SEPHS1: variants seen among roughly 807,000 people sequenced by gnomAD.
SEPHS1 encodes selenophosphate synthetase 1.
SEPHS1 carries 7 observed loss-of-function variants against 39.2 expected under a neutral mutation model. That is an observed-to-expected ratio of 0.18 (90% CI 0.10 to 0.34). SEPHS1 has a LOEUF of 0.34. SEPHS1 is among the 10% of genes least tolerant of loss of function. SEPHS1 has a pLI of 1.00. For missense variants in SEPHS1, 253 were observed against 514.5 expected, an observed-to-expected ratio of 0.49 and a Z score of 4.92; for synonymous variants, 190 against 195.5, an observed-to-expected ratio of 0.97 and a Z score of 0.23.
chr10:13,341,899 C>G (rs553093076), intron 2 of SEPHS1, among the ~76,000 whole-genome samples: 2 of 149,216 alleles, frequency 1.3e-5, no homozygotes, highest in Middle Eastern at 3.7e-3. Context: ...GCCTTGAACC[C>G]GGGAGGCAGA....
intron 8 of SEPHS1, among the ~76,000 whole-genome samples, 165 bp downstream of exon 8, chr10:13,322,670 C>T (rs1833150569): frequency 6.6e-6 from 1 of 152,160 alleles, no homozygotes; most frequent in Non-Finnish European, 1.5e-5. Flanking sequence ...TGGCGGGGAC[C>T]AGACCCACCG....
intron 4 of SEPHS1, among the ~76,000 whole-genome samples, chr10:13,335,394 G>A (rs532908880): frequency 3.3e-5 from 5 of 152,312 alleles, no homozygotes; most frequent in East Asian, 1.9e-4. Context: ...GGTCGGGCAC[G>A]GTGGCTCATG....
At chr10:13,337,894 C>T (rs558492720) in intron 3 of SEPHS1, among the ~76,000 whole-genome samples, 2 of 152,208 alleles carry the variant, frequency 1.3e-5, no homozygotes, top group Non-Finnish European at 2.9e-5. Context: ...GAACACCCCC[C>T]ACGTGGCTGC....
chr10:13,320,282 C>G (rs560645636), intron 8 of SEPHS1, among the ~76,000 whole-genome samples: 42 of 151,784 alleles, frequency 2.8e-4, no homozygotes, highest in African/African-American at 9.7e-4. Flanking sequence ...CCCGGGTTCA[C>G]ACCATTCTCC....
chr10:13,344,985 C>G lies in SEPHS1; in HGVS notation c.-35G>C. The stretch of plus-strand genomic sequence containing the variant: ...GCCCCGCTCTCCTCACAGCTCAGCC[C>G]CTCCCCTCCCTCTGCGGGTTGGCTG... On this transcript the variant is annotated 5_prime_UTR_variant, in exon 2 of 9. Coordinates refer to ENST00000327347, the MANE Select transcript of SEPHS1 (RefSeq NM_012247.5). The G allele has an allele frequency of 7.1e-7, 1 of 1,409,434 alleles. No individual in the cohort carries two copies. Among genetic ancestry groups the G allele is most frequent in the Non-Finnish European group, 9.3e-7 (1 of 1,070,458 alleles). The allele number at this position is 1,409,434 out of a possible 1,614,324, so 87.3% of individuals were successfully genotyped here.
intron 2 of SEPHS1, among the ~76,000 whole-genome samples, chr10:13,342,346 T>G (rs192926993): frequency 7.3e-5 from 11 of 151,376 alleles, no homozygotes; most frequent in African/African-American, 2.7e-4. Context: ...TTTGGGAGGC[T>G]GAGGTGGGTG....
intron 2 of SEPHS1, among the ~76,000 whole-genome samples, chr10:13,339,674 G>A (rs1316671247): frequency 6.6e-6 from 1 of 152,066 alleles, no homozygotes; most frequent in African/African-American, 2.4e-5. Context: ...ATCCACAGAT[G>A]CTCAAATCCC....
chr10:13,338,278 T>A (rs1315154340), intron 3 of SEPHS1, among the ~76,000 whole-genome samples: 4 of 152,204 alleles, frequency 2.6e-5, no homozygotes, highest in African/African-American at 9.7e-5. Context: ...CTCCTTAATC[T>A]CTTGAAGGAA....
At chr10:13,336,765 A>G (rs754270140) in intron 3 of SEPHS1, among the ~76,000 whole-genome samples, 12 of 151,168 alleles carry the variant, frequency 7.9e-5, no homozygotes, top group African/African-American at 2.9e-4. Flanking sequence ...GAAAAGTTGG[A>G]AACAGCCACA....
At chr10:13,325,895 C>CAAAAAAAAAAAAAAAAAAAAA (rs562038894) in intron 7 of SEPHS1, among the ~76,000 whole-genome samples, 1 of 26,450 alleles carries the variant, frequency 3.8e-5, no homozygotes, top group Non-Finnish European at 5.8e-5. Context: ...GACTCCGTCT[C>CAAAAAAAAAAAAAAAAAAAAA]AAAAAAAAAA....
At chr10:13,331,918 G>T (rs1833483310) in intron 5 of SEPHS1, among the ~76,000 whole-genome samples, 1 of 152,232 alleles carries the variant, frequency 6.6e-6, no homozygotes, top group African/African-American at 2.4e-5. Flanking sequence ...GGGTCATAGA[G>T]AAATTGGAAT....
In SEPHS1 at chr10:13,321,361, C is replaced by T. The variant is rs938830696; in HGVS notation, c.964+1474G>A. Reference sequence around the variant, plus strand: ...TCCTGGGTTCAAGCGATTCTCCTGCCTCAGCCTCTGGAGTAGCTGGGATTA... The same window carrying T: ...TCCTGGGTTCAAGCGATTCTCCTGCTTCAGCCTCTGGAGTAGCTGGGATTA... On this transcript the variant is annotated intron_variant, in intron 8 of 8. Transcript: ENST00000327347. Among the ~76,000 whole-genome samples the T allele has an allele frequency of 3.9e-5, 6 of 152,290 alleles. No individual in the cohort carries two copies. The East Asian group carries it at 1.2e-3, about 29-fold the overall frequency.
rs1243526966 is a variant in SEPHS1 at position 13,318,127 on chromosome 10, G to A, written c.*1015C>T. On this transcript the variant is annotated 3_prime_UTR_variant, in exon 9 of 9. Coordinates refer to ENST00000327347, the MANE Select transcript of SEPHS1 (RefSeq NM_012247.5). The stretch of plus-strand genomic sequence containing the variant: ...TGAATAACAAGTTTAAGTTCGAGCT[G>A]CAATGTTGGCAATGCAGGTTTTTAA... The A allele has an allele frequency of 1.3e-5, 2 of 152,478 alleles. No individual in the cohort carries two copies. The highest frequency in any genetic ancestry group is 2.9e-5 in the Non-Finnish European group (2 of 68,034). 9.4% of individuals were successfully genotyped at this position (152,478 alleles called of 1,614,324 possible).
rs779979593 is a variant in SEPHS1, at chr10:13,329,867, T to A, written c.561-79A>T. 3.5e-6 allele frequency: 4 copies of A among 1,149,374 alleles called. No homozygotes were observed. In the East Asian group the frequency reaches 7.7e-5, roughly 22 times the overall value. 71.2% of individuals were successfully genotyped at this position (1,149,374 alleles called of 1,614,324 possible). A position where few individuals can be genotyped will look rare whatever the true frequency, so the allele number is the denominator to read the frequency against. ...ATTGTTATTAACACAAGAGAAGGAA[T>A]AATCTGTCAAAAATATATCTGCCTT... is the stretch of plus-strand genomic sequence containing the variant. On this transcript the variant is annotated intron_variant, in intron 5 of 8. Coordinates refer to ENST00000327347, the MANE Select transcript of SEPHS1 (RefSeq NM_012247.5).
chr10:13,330,280 T>TA (rs1418513070), intron 5 of SEPHS1, among the ~76,000 whole-genome samples: 1 of 152,076 alleles, frequency 6.6e-6, no homozygotes, highest in Non-Finnish European at 1.5e-5. Context: ...ACTGATATGC[T>TA]AGAGACTCAG....
chr10:13,327,178 T>A (rs987911352), intron 7 of SEPHS1, among the ~76,000 whole-genome samples: 6 of 142,024 alleles, frequency 4.2e-5, no homozygotes, highest in Non-Finnish European at 9.1e-5. Context: ...TAGGTAGCGG[T>A]TGCAGTGAGC....
intron 5 of SEPHS1, 133 bp from the exon 6 acceptor site, chr10:13,329,921 C>T: frequency 1.4e-6 from 1 of 732,378 alleles, no homozygotes; most frequent in Admixed American, 2.3e-5. Flanking sequence ...AGCCAACTAC[C>T]AGCATGTATG....
chr10:13,329,638 C>T, intron 6 of SEPHS1, 60 bp downstream of exon 6: 2 of 1,349,892 alleles, frequency 1.5e-6, no homozygotes, highest in Non-Finnish European at 2.1e-6. Flanking sequence ...AATCCTCCAA[C>T]AAAAATTACC....
At chr10:13,337,985 C>T (rs574432900) in intron 3 of SEPHS1, among the ~76,000 whole-genome samples, 46 of 152,290 alleles carry the variant, frequency 3.0e-4, no homozygotes, top group African/African-American at 1.1e-3. Context: ...TTATAGCAAA[C>T]CAGATTTTCC....
Sources: gnomAD v4.1 joint callset for allele counts (sites outside exome capture counted in the v4.1 genomes callset) on GRCh38, gnomAD v4.1.1 for gene constraint, MANE v1.5 for transcripts, NCBI Gene and HGNC (gene_info 2026-07-23, HGNC 2026-07-21) for gene names.